KCNAB1: variants seen among roughly 807,000 people sequenced by gnomAD.
The protein encoded by KCNAB1 is voltage-gated potassium channel subunit beta-1.
KCNAB1 carries 35 observed loss-of-function variants against 64.6 expected under a neutral mutation model. The observed-to-expected ratio is 0.54, with a 90% CI of 0.41 to 0.72. KCNAB1 has a LOEUF of 0.72. Ranked by LOEUF, KCNAB1 falls within the 30% of genes least tolerant of loss-of-function variation. The probability of loss-of-function intolerance (pLI) is 0.00; values close to 1 mark genes in which losing one functional copy is unlikely to be tolerated. For missense variants in KCNAB1, 401 were observed against 512.9 expected (o/e 0.78, Z 2.11); for synonymous variants, 177 against 183.8 (o/e 0.96, Z 0.30).
intron 1 of KCNAB1, chr3:156,175,754 A>G (rs1712326211): frequency 3.6e-6 from 2 of 561,696 alleles, no homozygotes; most frequent in South Asian, 3.2e-5. Context: ...GTTTCTTGCC[A>G]GTAATCGTCA....
intron 1 of KCNAB1, among the ~76,000 whole-genome samples, chr3:156,133,044 A>T (rs1714094696): frequency 1.3e-5 from 2 of 152,224 alleles, no homozygotes; most frequent in African/African-American, 2.4e-5. Context: ...TTTCCTTAAA[A>T]AATCAAAGCC....
intron 1 of KCNAB1, among the ~76,000 whole-genome samples, chr3:156,281,938 T>C (rs1719754033): frequency 6.7e-6 from 1 of 149,802 alleles, no homozygotes; most frequent in East Asian, 2.0e-4. Flanking sequence ...ATTAATTTTT[T>C]GAAGGGTTTT....
intron 9 of KCNAB1, 85 bp from the exon 10 acceptor site, chr3:156,515,015 A>C (rs1267004365): frequency 8.8e-6 from 12 of 1,364,034 alleles, no homozygotes; most frequent in Non-Finnish European, 1.1e-5. Flanking sequence ...ATTTCACCAA[A>C]GTAAACATTT....
At chr3:156,177,757 T>C (rs1225039096) in intron 1 of KCNAB1, among the ~76,000 whole-genome samples, 1 of 152,060 alleles carries the variant, frequency 6.6e-6, no homozygotes, top group African/African-American at 2.4e-5. Context: ...ATATCTTCTT[T>C]TGCGACAGAG....
chr3:156,353,880 C>T (rs1454327789), intron 1 of KCNAB1, among the ~76,000 whole-genome samples: 1 of 152,034 alleles, frequency 6.6e-6, no homozygotes, highest in Non-Finnish European at 1.5e-5. Context: ...TTATTGGGTC[C>T]AGCCCATGCT....
At chr3:156,300,364 A>G (rs1721073651) in intron 1 of KCNAB1, among the ~76,000 whole-genome samples, 1 of 152,210 alleles carries the variant, frequency 6.6e-6, no homozygotes, top group Non-Finnish European at 1.5e-5. Flanking sequence ...AACCGTTACT[A>G]CAACTCAGCT....
intron 8 of KCNAB1, among the ~76,000 whole-genome samples, chr3:156,509,519 T>C (rs1223584939): frequency 6.6e-6 from 1 of 152,158 alleles, no homozygotes; most frequent in Non-Finnish European, 1.5e-5. Flanking sequence ...TTATCGATGC[T>C]GGGGCCTCAC....
At chr3:156,400,428 T>G (rs1047515054) in intron 1 of KCNAB1, among the ~76,000 whole-genome samples, 3 of 152,228 alleles carry the variant, frequency 2.0e-5, no homozygotes, top group Non-Finnish European at 4.4e-5. Context: ...TTGATCTCCC[T>G]TCTTCCAATC....
intron 1 of KCNAB1, among the ~76,000 whole-genome samples, chr3:156,242,343 A>G (rs1200945987): frequency 1.3e-5 from 2 of 152,096 alleles, no homozygotes; most frequent in Non-Finnish European, 2.9e-5. Context: ...ATTTGGTTAC[A>G]TGAGTAAGTT....
chr3:156,179,633 A>T (rs998155000), intron 1 of KCNAB1, among the ~76,000 whole-genome samples: 1 of 152,136 alleles, frequency 6.6e-6, no homozygotes, highest in Non-Finnish European at 1.5e-5. Flanking sequence ...TGACTCTGTA[A>T]AAGTTCTGGC....
intron 1 of KCNAB1, among the ~76,000 whole-genome samples, chr3:156,179,329 T>A (rs1002927958): frequency 1.3e-5 from 2 of 152,102 alleles, no homozygotes; most frequent in Non-Finnish European, 2.9e-5. Context: ...ATACCTTTCC[T>A]TTCCATTCCA....
At chr3:156,380,218 G>A (rs528796985) in intron 1 of KCNAB1, among the ~76,000 whole-genome samples, 1 of 152,158 alleles carries the variant, frequency 6.6e-6, no homozygotes, top group Non-Finnish European at 1.5e-5. Context: ...GCCAGGAAGA[G>A]AGCAGAAAAC....
intron 2 of KCNAB1, among the ~76,000 whole-genome samples, chr3:156,429,597 C>T (rs1296343908): frequency 6.6e-6 from 1 of 152,200 alleles, no homozygotes; most frequent in Admixed American, 6.5e-5. Context: ...TAGTGATGCT[C>T]TCACTGCACT....
intron 12 of KCNAB1, 50 bp from the exon 13 acceptor site, chr3:156,531,359 C>G (rs777132729): frequency 2.2e-5 from 29 of 1,342,312 alleles, no homozygotes; most frequent in Non-Finnish European, 3.1e-5. Context: ...ATAAGCTAAT[C>G]AACGATTGGA....
At chr3:156,382,512 CAAA>C (rs1161938115) in intron 1 of KCNAB1, among the ~76,000 whole-genome samples, 2 of 151,956 alleles carry the variant, frequency 1.3e-5, no homozygotes, top group Non-Finnish European at 2.9e-5. Flanking sequence ...AAAAAACAAA[CAAA>C]AAAACCAACC....
chr3:156,257,859 C>A (rs915122699), intron 1 of KCNAB1, among the ~76,000 whole-genome samples: 6 of 152,090 alleles, frequency 3.9e-5, no homozygotes, highest in Non-Finnish European at 7.4e-5. Flanking sequence ...AGCCTGTAGA[C>A]CTGGGAGCAG....
rs779486541 is a variant in KCNAB1 at position 156,171,194 on chromosome 3, T to TACACACACACAC, written c.275+50329_275+50340dup. 3.7e-3 allele frequency among the ~76,000 whole-genome samples: 541 copies of TACACACACACAC among 147,714 alleles called. 1 individual carries two copies. Among genetic ancestry groups the TACACACACACAC allele is most frequent in the African/African-American group, 0.013 (508 of 39,648 alleles). ...TATAGTTAGAAACTTCACGCACACATACACACACACACACACACACACACA... is the reference window on the plus strand; with the variant it reads ...TATAGTTAGAAACTTCACGCACACATACACACACACACACACACACACACACACACACACACA... On this transcript the variant is annotated intron_variant, in intron 1 of 13. Coordinates refer to ENST00000490337, the MANE Select transcript of KCNAB1 (RefSeq NM_172160.3).
At chr3:156,247,442 G>T (rs192685157) in intron 1 of KCNAB1, among the ~76,000 whole-genome samples, 82 of 152,126 alleles carry the variant, frequency 5.4e-4, no homozygotes, top group South Asian at 1.7e-3. Flanking sequence ...TTTGTACCTG[G>T]TAAGAGATTT....
At chr3:156,479,417 G>T (rs1334706900) in intron 8 of KCNAB1, among the ~76,000 whole-genome samples, 1 of 152,128 alleles carries the variant, frequency 6.6e-6, no homozygotes, top group East Asian at 1.9e-4. Flanking sequence ...AGTTTTTTGG[G>T]TTTTTTTGTT....
Sources: gnomAD v4.1 joint callset for allele counts (sites outside exome capture counted in the v4.1 genomes callset) on GRCh38, gnomAD v4.1.1 for gene constraint, MANE v1.5 for transcripts, NCBI Gene and HGNC (gene_info 2026-07-23, HGNC 2026-07-21) for gene names.